The following RBBP8NL variants were observed in gnomAD, a reference collection of about 807,000 sequenced individuals.
RBBP8NL encodes RBBP8 N-terminal-like protein.
RBBP8NL carries 59 observed loss-of-function variants against 62.2 expected under a neutral mutation model. The ratio of observed to expected loss-of-function variants is 0.95; its 90% CI spans 0.77 to 1.18. The LOEUF is 1.18. Ranked by LOEUF, RBBP8NL falls within the 50% of genes most tolerant of loss-of-function variation. RBBP8NL has a pLI of 0.00. For missense variants in RBBP8NL, 896 were observed against 899.5 expected, an observed-to-expected ratio of 1.00 and a Z score of 0.05; for synonymous variants, 412 against 394.1, an observed-to-expected ratio of 1.05 and a Z score of -0.54.
intron 1 of RBBP8NL, among the ~76,000 whole-genome samples, chr20:62,424,887 C>G (rs1201652907): frequency 6.6e-6 from 1 of 152,174 alleles, no homozygotes; most frequent in African/African-American, 2.4e-5. Context: ...GGGTGCACCC[C>G]CCCCACCCGC....
chr20:62,416,089 G>T, intron 6 of RBBP8NL, 75 bp downstream of exon 6: 1 of 1,505,834 alleles, frequency 6.6e-7, no homozygotes, highest in Non-Finnish European at 9.1e-7. Context: ...GGTTCCCCCA[G>T]GGACGTGTGC....
intron 1 of RBBP8NL, among the ~76,000 whole-genome samples, chr20:62,426,627 C>T (rs528785500): frequency 1.3e-5 from 2 of 152,344 alleles, no homozygotes; most frequent in South Asian, 2.1e-4. Flanking sequence ...ATGGAGACTT[C>T]GGCCAGGTCG....
At chr20:62,411,885 C>T (rs1040765590) in intron 13 of RBBP8NL, among the ~76,000 whole-genome samples, 1 of 152,254 alleles carries the variant, frequency 6.6e-6, no homozygotes, top group Non-Finnish European at 1.5e-5. Context: ...CTGCCGGCAA[C>T]AATGGCACAC....
intron 8 of RBBP8NL, 66 bp downstream of exon 8, chr20:62,415,512 C>T: frequency 6.5e-7 from 1 of 1,538,078 alleles, no homozygotes; most frequent in South Asian, 1.1e-5. Context: ...GAAAGTGCAG[C>T]TGCCTCCAGC....
intron 9 of RBBP8NL, among the ~76,000 whole-genome samples, chr20:62,414,789 G>C (rs897211883): frequency 6.6e-6 from 1 of 152,216 alleles, no homozygotes; most frequent in Non-Finnish European, 1.5e-5. Context: ...TGTGGTCTGG[G>C]CTCCAAGGTG....
intron 1 of RBBP8NL, among the ~76,000 whole-genome samples, chr20:62,420,906 G>A (rs1988683296): frequency 6.6e-6 from 1 of 152,270 alleles, no homozygotes; most frequent in African/African-American, 2.4e-5. Flanking sequence ...GCCTTTGCAG[G>A]CTGGGCCTGG....
chr20:62,412,711 C>G lies in RBBP8NL; in HGVS notation c.1789G>C (p.Gly597Arg), dbSNP rs374830561. Residue 597 changes from glycine (G) to arginine (R), a missense_variant, in exon 13 of 14, where the codon GGG becomes CGG. Gly to Arg is a moderately radical substitution (Grantham distance 125). Coordinates refer to ENST00000252998, the MANE Select transcript of RBBP8NL (RefSeq NM_080833.3). The part of the protein sequence containing the change: ...SQAEATTSTT[G>R]EGPECICTQE... ...GTGCAGATGCACTCAGGCCCCTCCC[C>G]GGTCGTGCTCGTAGTGGCCTCCGCC... 5.6e-6 allele frequency: 9 copies of G among 1,610,598 alleles called. No individual in the cohort carries two copies. Among genetic ancestry groups the G allele is most frequent in the Admixed American group, 1.7e-5 (1 of 60,002 alleles).
At chr20:62,425,718 G>A (rs757910360) in intron 1 of RBBP8NL, among the ~76,000 whole-genome samples, 6 of 152,252 alleles carry the variant, frequency 3.9e-5, no homozygotes, top group Admixed American at 1.3e-4. Context: ...CTGCCAGGCC[G>A]GCTGCTCTCC....
Position 62,420,233 on chromosome 20 carries a change from G to A in RBBP8NL, c.-83-503C>T, listed in dbSNP as rs144535573. On this transcript the variant is annotated intron_variant, in intron 1 of 13. Transcript: ENST00000252998. ...CCTACCATGCCACTGTCCACACCCC[G>A]GCCCCAACACCACTGTCACAGCACC... 4.7e-3 allele frequency among the ~76,000 whole-genome samples: 713 copies of A among 152,016 alleles called. 7 individuals are homozygous for A. The highest frequency in any genetic ancestry group is 0.016 in the African/African-American group (669 of 41,462).
chr20:62,425,184 A>G (rs1388167621), intron 1 of RBBP8NL, among the ~76,000 whole-genome samples: 1 of 152,154 alleles, frequency 6.6e-6, no homozygotes, highest in East Asian at 1.9e-4. Context: ...CTCAGTGAGC[A>G]GCCGAGGGAG....
At chr20:62,417,497 G>A (rs181523550) in intron 3 of RBBP8NL, among the ~76,000 whole-genome samples, 178 bp from the exon 4 acceptor site, 16 of 131,576 alleles carry the variant, frequency 1.2e-4, no homozygotes, top group African/African-American at 2.0e-4. Context: ...CGTCTGTCCC[G>A]TCCACGCAGC....
At position 62,415,226 on chromosome 20, in the gene RBBP8NL, TG is replaced by T; in HGVS notation, c.688del (p.Gln230ArgfsTer46). 6.5e-7 allele frequency: 1 copy of T among 1,542,922 alleles called. No individual in the cohort carries two copies. On this transcript the variant is annotated frameshift_variant, in exon 9 of 14. Transcript: ENST00000252998. LOFTEE classifies it high-confidence loss of function. ...GTIAVVRPGS[Q>X]ACPADRGPAN... ...GGGGCCTCGGTCGGCAGGGCAAGCC[TG>T]GGACCCAGGCCGCACCACGGCAATG...
chr20:62,423,927 C>T (rs985342176), intron 1 of RBBP8NL, among the ~76,000 whole-genome samples: 4 of 152,150 alleles, frequency 2.6e-5, no homozygotes, highest in African/African-American at 7.2e-5. Flanking sequence ...CTTTTTCTTC[C>T]CGAGTCAGCC....
chr20:62,426,805 T>G (rs759868298), intron 1 of RBBP8NL, among the ~76,000 whole-genome samples: 3 of 152,104 alleles, frequency 2.0e-5, no homozygotes, highest in Non-Finnish European at 4.4e-5. Context: ...GCCCGTGCAC[T>G]CGTGTGTACA....
chr20:62,415,382 A>G (rs1988539068), intron 8 of RBBP8NL, 95 bp from the exon 9 acceptor site: 7 of 1,431,942 alleles, frequency 4.9e-6, no homozygotes, highest in East Asian at 2.5e-5. Context: ...GGCTGCTCCC[A>G]CTCTGCCCCT....
Position 62,413,494 on chromosome 20 carries a change from T to G in RBBP8NL, c.1582A>C (p.Ser528Arg). The G allele has an allele frequency of 2.6e-6, 4 of 1,511,042 alleles. No homozygotes were observed. Among genetic ancestry groups the G allele is most frequent in the Non-Finnish European group, 3.5e-6 (4 of 1,136,432 alleles). The allele number at this position is 1,511,042 out of a possible 1,614,324, so 93.6% of individuals were successfully genotyped here. ...GSQLSLSSPG[S>R]TEDEDTGRPL... ...CTCCCTGTGTCTTCATCTTCTGTAC[T>G]GCCTGGAGAGGACAGGCTGAGCTGG... Residue 528 changes from serine to arginine, a missense_variant, in exon 11 of 14, where the codon AGT becomes CGT. Transcript: ENST00000252998.
At chr20:62,419,907 A>G (rs1988663004) in intron 1 of RBBP8NL, among the ~76,000 whole-genome samples, 177 bp from the exon 2 acceptor site, 1 of 152,196 alleles carries the variant, frequency 6.6e-6, no homozygotes, top group Non-Finnish European at 1.5e-5. Context: ...GCACAGAGAT[A>G]GTACATTGTG....
rs750362966 is a variant in RBBP8NL at position 62,415,885 on chromosome 20, G to A, written c.447C>T (p.Leu149=). 119 of 1,605,970 alleles carry A rather than the reference G, an allele frequency of 7.4e-5. No individual in the cohort carries two copies. Among genetic ancestry groups the A allele is most frequent in the Non-Finnish European group, 9.9e-5 (116 of 1,177,646 alleles). Residue 149 remains leucine (L), a synonymous_variant, in exon 7 of 14, where the codon CTC becomes CTT. Transcript: ENST00000252998. ...GTSDPPSPLL[L]PSPGGWKAIT... ...TGGCCTTCCAGCCACCAGGGGAGGG[G>A]AGCAGCAGGGGTGAGGGGGGGTCCG...
intron 4 of RBBP8NL, 22 bp downstream of exon 4, chr20:62,417,202 C>G (rs761711403): frequency 6.4e-7 from 1 of 1,559,918 alleles, no homozygotes; most frequent in Non-Finnish European, 8.7e-7. Context: ...GGCCATGCTG[C>G]GAGGTGTCCT....
Sources: gnomAD v4.1 joint callset for allele counts (sites outside exome capture counted in the v4.1 genomes callset) on GRCh38, gnomAD v4.1.1 for gene constraint, MANE v1.5 for transcripts, NCBI Gene and HGNC (gene_info 2026-07-23, HGNC 2026-07-21) for gene names.